The following MYO18A variants were observed in gnomAD, a reference collection of about 807,000 sequenced individuals.
MYO18A encodes myosin XVIIIA.
A neutral mutation model predicts 235.8 loss-of-function variants in MYO18A; 78 were observed. The observed-to-expected ratio is 0.33, with a 90% CI of 0.28 to 0.40. The LOEUF is 0.40. Ranked by LOEUF, MYO18A falls within the 10% of genes least tolerant of loss-of-function variation. The pLI is 1.00. For synonymous variants in MYO18A, 977 were observed against 1,077.8 expected (o/e 0.91, Z 1.83); for missense variants, 2,215 against 2,699.3 (o/e 0.82, Z 3.98).
intron 11 of MYO18A, among the ~76,000 whole-genome samples, chr17:29,116,068 C>T (rs1387256249): frequency 6.6e-6 from 1 of 152,234 alleles, no homozygotes; most frequent in East Asian, 1.9e-4. Flanking sequence ...ACTCCACATG[C>T]TGCCACCGGA....
At chr17:29,151,174 CA>C (rs2067957653) in intron 2 of MYO18A, among the ~76,000 whole-genome samples, 1 of 152,086 alleles carries the variant, frequency 6.6e-6, no homozygotes, top group African/African-American at 2.4e-5. Context: ...GAGTTCGCTG[CA>C]GTGAACTGTG....
Position 29,166,755 on chromosome 17 carries a change from G to T in MYO18A, c.186C>A (p.Ile62=), listed in dbSNP as rs769023468. 6.2e-7 allele frequency: 1 copy of T among 1,613,860 alleles called. No homozygotes were observed. The highest frequency in any genetic ancestry group is 8.5e-7 in the Non-Finnish European group (1 of 1,179,862). The change falls in exon 2 of 42, where the codon ATC becomes ATA. Residue 62 remains isoleucine (I), a synonymous_variant. Transcript: ENST00000527372. ...SKRESKTRLE[I]SNPIPIKVAS... ...CCACCTTGATGGGGATGGGGTTGGA[G>T]ATTTCCAGGCGCGTCTTGGATTCAC...
chr17:29,123,008 T>C (rs910282783), intron 2 of MYO18A, among the ~76,000 whole-genome samples: 1 of 152,202 alleles, frequency 6.6e-6, no homozygotes, highest in Non-Finnish European at 1.5e-5. Flanking sequence ...GGGGCAGCCC[T>C]GCCCTGTCAA....
At chr17:29,092,834 C>T in intron 33 of MYO18A, 21 bp downstream of exon 33, 1 of 1,613,058 alleles carries the variant, frequency 6.2e-7, no homozygotes, top group Non-Finnish European at 8.5e-7. Flanking sequence ...CCTGGATCAG[C>T]CGTGTGCTCT....
chr17:29,165,970 C>T lies in MYO18A; in HGVS notation c.971G>A (p.Gly324Asp). 2 of 1,613,288 alleles carry T rather than the reference C, an allele frequency of 1.2e-6. No homozygotes were observed. Among genetic ancestry groups the T allele is most frequent in the Non-Finnish European group, 1.7e-6 (2 of 1,179,802 alleles). Residue 324 changes from glycine to aspartate, a missense_variant, in exon 2 of 42, where the codon GGC (glycine) becomes GAC (aspartate). By Grantham distance (94) the Gly-to-Asp change is moderately conservative. Coordinates refer to ENST00000527372, the MANE Select transcript of MYO18A (RefSeq NM_078471.4). ...SELSRSWLRS[G>D]EGPRREPSDA... is the part of the protein sequence containing the mutation. ...GGATGGCTCCCTGCGAGGTCCCTCG[C>T]CGCTCCGCAGCCAGCTCCTGCTGAG...
rs769153304 is a variant in MYO18A, at chr17:29,116,406, C to T, written c.2050+38G>A. On this transcript the variant is annotated intron_variant, in intron 11 of 41. Transcript: ENST00000527372. ...GCCTCAGCCAACATGTGTCTAATCA[C>T]GGCAATTAGGGAAAGCTAACAAGAA... 2.9e-5 allele frequency: 46 copies of T among 1,613,482 alleles called. 1 individual carries two copies. Among genetic ancestry groups the T allele is most frequent in the South Asian group, 1.5e-4 (14 of 91,084 alleles).
At position 29,180,048 on chromosome 17, in the gene MYO18A, C is replaced by A. The variant is rs2068614119; in HGVS notation, c.-82+265G>T. The stretch of plus-strand genomic sequence containing the variant: ...AAGGCCACCCTGTCCTGCCTCCCTG[C>A]GCCCCCCAGGTTGGCTGGAAGGGCC... On this transcript the variant is annotated intron_variant, in intron 1 of 41. Coordinates refer to ENST00000527372, the MANE Select transcript of MYO18A (RefSeq NM_078471.4). The surrounding 1 kb of genome is among the most constrained non-coding windows in gnomAD (Gnocchi z 6.1). Among the ~76,000 whole-genome samples, 1 of 151,892 alleles carries A rather than the reference C, an allele frequency of 6.6e-6. No homozygotes were observed. The highest frequency in any genetic ancestry group is 1.9e-4 in the East Asian group (1 of 5,156).
chr17:29,137,648 T>C (rs1199279174), intron 2 of MYO18A, among the ~76,000 whole-genome samples: 1 of 152,130 alleles, frequency 6.6e-6, no homozygotes, highest in African/African-American at 2.4e-5. Context: ...CAGCTCCAAA[T>C]TGGAAAGAGC....
chr17:29,085,532 G>A (rs551123159), intron 40 of MYO18A, 72 bp downstream of exon 40: 139 of 1,413,738 alleles, frequency 9.8e-5, no homozygotes, highest in Non-Finnish European at 9.1e-5. Context: ...CGGCCCCAGG[G>A]TGGGAGCCAG....
intron 41 of MYO18A, among the ~76,000 whole-genome samples, chr17:29,079,048 G>A (rs1873476): frequency 0.42 from 63,764 of 151,994 alleles, 14,682 homozygotes; most frequent in East Asian, 0.84. Context: ...CAGAGAGGAA[G>A]GTAGCTTTGT....
At chr17:29,081,581 C>T in intron 41 of MYO18A, among the ~76,000 whole-genome samples, 1 of 128,668 alleles carries the variant, frequency 7.8e-6, no homozygotes, top group African/African-American at 3.1e-5. Context: ...TCAGGATGGG[C>T]TTGATCAGGG....
chr17:29,165,067 A>G (rs536456959), intron 2 of MYO18A, among the ~76,000 whole-genome samples: 2 of 152,248 alleles, frequency 1.3e-5, no homozygotes, highest in Admixed American at 6.5e-5. Context: ...CTGAATTCCA[A>G]CTGTGACTTA....
chr17:29,164,966 G>A (rs115624063), intron 2 of MYO18A, among the ~76,000 whole-genome samples: 1 of 152,170 alleles, frequency 6.6e-6, no homozygotes, highest in East Asian at 1.9e-4. Flanking sequence ...AGGTAATAAA[G>A]ACTCTTGGAG....
chr17:29,129,348 G>GGGTT (rs1491233764), intron 2 of MYO18A, among the ~76,000 whole-genome samples: 2 of 152,214 alleles, frequency 1.3e-5, no homozygotes, highest in Non-Finnish European at 2.9e-5. Flanking sequence ...AGTTCCCAGA[G>GGGTT]TGTGTATAGC....
At chr17:29,138,561 C>T (rs975593328) in intron 2 of MYO18A, among the ~76,000 whole-genome samples, 3 of 152,192 alleles carry the variant, frequency 2.0e-5, no homozygotes, top group Non-Finnish European at 4.4e-5. Flanking sequence ...TAGTAAAAAA[C>T]GGTTAATCAT....
intron 1 of MYO18A, among the ~76,000 whole-genome samples, chr17:29,174,520 A>T (rs1028549529): frequency 6.6e-6 from 1 of 151,874 alleles, no homozygotes; most frequent in Non-Finnish European, 1.5e-5. Context: ...AAAAAAAATA[A>T]AAAAAAATAA....
At chr17:29,105,322 G>A (rs1273394893) in intron 20 of MYO18A, among the ~76,000 whole-genome samples, 1 of 152,140 alleles carries the variant, frequency 6.6e-6, no homozygotes, top group African/African-American at 2.4e-5. Flanking sequence ...GCCCAGGGCA[G>A]GCAGGAGGCA....
chr17:29,106,164 G>C lies in MYO18A; in HGVS notation c.3441+916C>G, dbSNP rs999952827. 1.3e-5 allele frequency among the ~76,000 whole-genome samples: 2 copies of C among 152,170 alleles called. No individual in the cohort carries two copies. Among genetic ancestry groups the C allele is most frequent in the Non-Finnish European group, 2.9e-5 (2 of 68,026 alleles). On this transcript the variant is annotated intron_variant, in intron 20 of 41. Transcript: ENST00000527372. The surrounding 1 kb of genome is among the most constrained non-coding windows in gnomAD (Gnocchi z 4.6). Reference sequence around the variant, plus strand: ...GCTGGGATTTATGATTTTGGAGCTGGGGCATTTCCAGAGCTGATGAGGTAC... The same window carrying C: ...GCTGGGATTTATGATTTTGGAGCTGCGGCATTTCCAGAGCTGATGAGGTAC...
At position 29,130,427 on chromosome 17, in the gene MYO18A, C is replaced by CA. The variant is rs201244443; in HGVS notation, c.1000-8175dup. ...CCAAGCACTTTACATGTAGTTTTTGCAAAAAAAATAAAATAAAATAAATTC... is the reference window on the plus strand; with the variant it reads ...CCAAGCACTTTACATGTAGTTTTTGCAAAAAAAAATAAAATAAAATAAATTC... On this transcript the variant is annotated intron_variant, in intron 2 of 41. Coordinates refer to ENST00000527372, the MANE Select transcript of MYO18A (RefSeq NM_078471.4). 5.2e-3 allele frequency among the ~76,000 whole-genome samples: 762 copies of CA among 147,220 alleles called. 6 individuals are homozygous for CA. Among genetic ancestry groups the CA allele is most frequent in the Non-Finnish European group, 8.1e-3 (541 of 66,768 alleles).
Sources: gnomAD v4.1 joint callset for allele counts (sites outside exome capture counted in the v4.1 genomes callset) on GRCh38, gnomAD v4.1.1 for gene constraint, Gnocchi (gnomAD v3.1) non-coding constraint, MANE v1.5 for transcripts, NCBI Gene and HGNC (gene_info 2026-07-23, HGNC 2026-07-21) for gene names.